The following GSPT1 variants were observed in gnomAD, a reference collection of about 807,000 sequenced individuals.
The protein encoded by GSPT1 is eukaryotic peptide chain release factor GTP-binding subunit ERF3A.
In GSPT1, 20 loss-of-function variants were observed where a neutral mutation model predicts 72.5. That is an observed-to-expected ratio of 0.28 (90% CI 0.19 to 0.40). GSPT1 has a LOEUF of 0.40. Ranked by LOEUF, GSPT1 falls within the 10% of genes least tolerant of loss-of-function variation. GSPT1 has a pLI of 1.00. For synonymous variants in GSPT1, 334 were observed against 293.5 expected (o/e 1.14, Z -1.41); for missense variants, 580 against 811.9 (o/e 0.71, Z 3.47).
intron 1 of GSPT1, among the ~76,000 whole-genome samples, chr16:11,912,363 C>A (rs72782767): frequency 2.8e-3 from 362 of 129,512 alleles, no homozygotes; most frequent in Non-Finnish European, 4.3e-3. Context: ...AAAAAAAAAA[C>A]AAAAAAAAAA....
At chr16:11,888,088 G>A (rs1001084568) in intron 6 of GSPT1, among the ~76,000 whole-genome samples, 2 of 152,180 alleles carry the variant, frequency 1.3e-5, no homozygotes, top group African/African-American at 4.8e-5. Context: ...CTGGGAGGAG[G>A]AGGTTGCAGC....
Position 11,873,105 on chromosome 16 carries a change from C to A in GSPT1, c.*14G>T. On this transcript the variant is annotated 3_prime_UTR_variant, in exon 15 of 15. Coordinates refer to ENST00000434724, the MANE Select transcript of GSPT1 (RefSeq NM_002094.4). ...TTTTCCTCACAGTATTGTGCAGGGT[C>A]ATCAAGAAAATGCTTAGTCTTTCTC... 6.6e-7 allele frequency: 1 copy of A among 1,525,234 alleles called. No individual in the cohort carries two copies. The highest frequency in any genetic ancestry group is 1.7e-5 in the Admixed American group (1 of 59,778). The allele number at this position is 1,525,234 out of a possible 1,614,324, so 94.5% of individuals were successfully genotyped here.
At chr16:11,887,021 G>GTT (rs34304551) in intron 7 of GSPT1, 90 bp from the exon 8 acceptor site, 37,653 of 536,388 alleles carry the variant, frequency 0.07, 6 homozygotes, top group East Asian at 0.14. Flanking sequence ...TATATCACGA[G>GTT]TTTTTTTTTT....
rs113971798 is a variant in GSPT1 at position 11,909,537 on chromosome 16, T to C, written c.352+5832A>G. Among the ~76,000 whole-genome samples, 201 of 152,288 alleles carry C rather than the reference T, an allele frequency of 1.3e-3. 2 individuals carry two copies. The highest frequency in any genetic ancestry group is 4.5e-3 in the African/African-American group (189 of 41,560). ...CCAATAGACACACTAGCCAGACTCATAGTAACTGAACTCACTGCTGTTTAA... is the reference window on the plus strand; with the variant it reads ...CCAATAGACACACTAGCCAGACTCACAGTAACTGAACTCACTGCTGTTTAA... On this transcript the variant is annotated intron_variant, in intron 1 of 14. Transcript: ENST00000434724.
chr16:11,874,535 G>A (rs1041308906), intron 14 of GSPT1, among the ~76,000 whole-genome samples: 1 of 136,846 alleles, frequency 7.3e-6, no homozygotes, highest in African/African-American at 2.8e-5. Flanking sequence ...AAGAATTCCT[G>A]CTACATTAAT....
chr16:11,916,143 T>C (rs1044944368), upstream of GSPT1: 5 of 375,658 alleles, frequency 1.3e-5, no homozygotes, highest in Non-Finnish European at 2.6e-5. Context: ...GCTACCCCGC[T>C]GCGGTTTTCC....
intron 14 of GSPT1, among the ~76,000 whole-genome samples, chr16:11,873,962 A>G (rs1003121450): frequency 1.3e-5 from 2 of 152,262 alleles, no homozygotes; most frequent in African/African-American, 4.8e-5. Flanking sequence ...GTGGAGTACT[A>G]TTCAGTGATA....
At chr16:11,886,333 T>G (rs901906904) in intron 9 of GSPT1, 138 bp downstream of exon 9, 4 of 584,362 alleles carry the variant, frequency 6.8e-6, no homozygotes, top group Non-Finnish European at 5.8e-6. Context: ...AAGGTTACAT[T>G]TAATATTTTC....
chr16:11,876,120 T>C lies in GSPT1; in HGVS notation c.1658A>G (p.His553Arg). Residue 553 changes from histidine (H) to arginine (R), a missense_variant, in exon 13 of 15, where the codon CAT becomes CGT. His to Arg is a conservative substitution (Grantham distance 29). This residue lies in a region of GSPT1 where 120 missense variants were observed against 242.5 expected (regional missense o/e 0.49). Transcript: ENST00000434724. Reference sequence around the variant, plus strand: ...CACCTCCTCAATACAGGTATGAATATGCAGCACCGCATTATAGCCTGGGCA... The same window carrying C: ...CACCTCCTCAATACAGGTATGAATACGCAGCACCGCATTATAGCCTGGGCA... ...IICPGYNAVL[H>R]IHTCIEEVEI... The C allele has an allele frequency of 6.2e-7, 1 of 1,609,172 alleles. No individual in the cohort carries two copies. Among genetic ancestry groups the C allele is most frequent in the Non-Finnish European group, 8.5e-7 (1 of 1,175,446 alleles).
At chr16:11,915,224 G>T in intron 1 of GSPT1, 145 bp downstream of exon 1, 1 of 1,136,576 alleles carries the variant, frequency 8.8e-7, no homozygotes, top group Non-Finnish European at 1.1e-6. Context: ...TCCCGGGCTC[G>T]GGGCGCCCCA....
At chr16:11,903,690 C>A (rs2054446948) in intron 1 of GSPT1, among the ~76,000 whole-genome samples, 1 of 151,688 alleles carries the variant, frequency 6.6e-6, no homozygotes, top group Non-Finnish European at 1.5e-5. Flanking sequence ...GACCCTGTCT[C>A]CAAAAAAAAG....
At chr16:11,889,329 C>CTTTTTTTTT (rs902991145) in intron 6 of GSPT1, among the ~76,000 whole-genome samples, 9 of 60,070 alleles carry the variant, frequency 1.5e-4, no homozygotes, top group African/African-American at 6.0e-4. Flanking sequence ...CCCTCTTCTT[C>CTTTTTTTTT]TTTTTTTTTT....
chr16:11,915,213 C>T, intron 1 of GSPT1, 156 bp downstream of exon 1: 1 of 1,111,400 alleles, frequency 9.0e-7, no homozygotes, highest in Admixed American at 5.0e-5. Context: ...CGAAGGCCGG[C>T]TCCCGGGCTC....
chr16:11,899,092 T>A (rs1280086042), intron 1 of GSPT1, among the ~76,000 whole-genome samples: 1 of 152,194 alleles, frequency 6.6e-6, no homozygotes, highest in East Asian at 1.9e-4. Context: ...AATATGAACG[T>A]GCCCCTGCTT....
intron 11 of GSPT1, among the ~76,000 whole-genome samples, chr16:11,878,282 AT>A (rs1171857225): frequency 6.6e-6 from 1 of 151,916 alleles, no homozygotes; most frequent in African/African-American, 2.4e-5. Flanking sequence ...TGCCTGGCTA[AT>A]TTTTTGTATT....
Position 11,915,686 on chromosome 16 carries a change from C to T in GSPT1, c.35G>A (p.Gly12Asp). 1 of 1,482,676 alleles carries T rather than the reference C, an allele frequency of 6.7e-7. No individual in the cohort carries two copies. Among genetic ancestry groups the T allele is most frequent in the East Asian group, 2.7e-5 (1 of 36,508 alleles). 91.8% of individuals were successfully genotyped at this position (1,482,676 alleles called of 1,614,324 possible). ...GCCGCTGCTGCTCCCGCCGCCGCCG[C>T]CGCCGCCGCCGCCGCCGCCACTGCC... ...DPGSGGGGGG[G>D]GGGGSSSGSS... Residue 12 changes from glycine to aspartate, a missense_variant, in exon 1 of 15, where the codon GGC (glycine) becomes GAC (aspartate). Gly to Asp is a moderately conservative substitution (Grantham distance 94). Transcript: ENST00000434724.
chr16:11,891,022 C>A, intron 6 of GSPT1, 40 bp downstream of exon 6: 1 of 929,056 alleles, frequency 1.1e-6, no homozygotes, highest in Non-Finnish European at 1.7e-6. Flanking sequence ...GCATCGTCTC[C>A]TTAAAAGTAA....
At chr16:11,886,100 A>G (rs1191523069) in intron 9 of GSPT1, among the ~76,000 whole-genome samples, 1 of 152,256 alleles carries the variant, frequency 6.6e-6, no homozygotes, top group African/African-American at 2.4e-5. Flanking sequence ...AATCAAATAC[A>G]TATCTAAATG....
chr16:11,886,716 C>G (rs901983091), intron 8 of GSPT1, 61 bp downstream of exon 8: 53 of 1,560,740 alleles, frequency 3.4e-5, no homozygotes, highest in Non-Finnish European at 4.4e-5. Flanking sequence ...GAGAAAAAGT[C>G]GTACAATAAC....
Sources: allele counts gnomAD v4.1 joint callset (sites outside exome capture counted in the v4.1 genomes callset), GRCh38; gene constraint gnomAD v4.1.1; regional missense constraint gnomAD v4.1.1; transcripts MANE v1.5; gene names NCBI Gene and HGNC (gene_info 2026-07-23, HGNC 2026-07-21).